The following TACC1 variants were observed in gnomAD, a reference collection of about 807,000 sequenced individuals.
TACC1 encodes transforming acidic coiled-coil-containing protein 1.
A neutral mutation model predicts 84.4 loss-of-function variants in TACC1; 48 were observed. The ratio of observed to expected loss-of-function variants is 0.57; its 90% CI spans 0.45 to 0.72. The LOEUF (loss-of-function observed/expected upper bound fraction) is 0.72. TACC1 is among the 30% of genes least tolerant of loss of function. TACC1 has a pLI of 0.00. For missense variants in TACC1, 920 were observed against 973.0 expected, an observed-to-expected ratio of 0.95 and a Z score of 0.72; for synonymous variants, 372 against 376.3, an observed-to-expected ratio of 0.99 and a Z score of 0.13.
At chr8:38,830,754 T>C (rs902561215) in intron 5 of TACC1, among the ~76,000 whole-genome samples, 21 of 152,238 alleles carry the variant, frequency 1.4e-4, no homozygotes, top group Non-Finnish European at 2.4e-4. Flanking sequence ...GGAATTTAAA[T>C]TCACTCCGAC....
upstream of TACC1, among the ~76,000 whole-genome samples, chr8:38,784,283 T>C (rs916926939): frequency 6.6e-6 from 1 of 152,096 alleles, no homozygotes; most frequent in African/African-American, 2.4e-5. Flanking sequence ...TCTCAAGAAG[T>C]TGCTGCAGGC....
intron 3 of TACC1, among the ~76,000 whole-genome samples, chr8:38,761,332 T>G (rs1419993127): frequency 5.3e-5 from 8 of 152,242 alleles, no homozygotes; most frequent in Admixed American, 1.3e-4. Flanking sequence ...GAATGTAAGA[T>G]CTACACCTGT....
In TACC1 at chr8:38,827,262, A is replaced by C; in HGVS notation, c.1547A>C (p.Gln516Pro). 1 of 1,614,228 alleles carries C rather than the reference A, an allele frequency of 6.2e-7. No homozygotes were observed. Among genetic ancestry groups the C allele is most frequent in the South Asian group, 1.1e-5 (1 of 91,088 alleles). ...AAACTGGCATCCACGTCATGTGGTC[A>C]GAAATCAGCTGGTGCCGAGGTGAAA... ...EEKLASTSCG[Q>P]KSAGAEVKGE... The change falls in exon 5 of 13, where the codon CAG (glutamine) becomes CCG (proline). Residue 516 changes from glutamine (Q) to proline (P), a missense_variant. Transcript: ENST00000317827.
chr8:38,794,817 A>G (rs1819594011), intron 2 of TACC1, among the ~76,000 whole-genome samples: 2 of 152,208 alleles, frequency 1.3e-5, no homozygotes, highest in African/African-American at 4.8e-5. Context: ...AATGGGACTA[A>G]TTAGGACCTT....
intron 2 of TACC1, among the ~76,000 whole-genome samples, chr8:38,797,514 G>A (rs560663629): frequency 2.0e-5 from 3 of 152,200 alleles, no homozygotes; most frequent in East Asian, 1.9e-4. Flanking sequence ...TTATATAGCC[G>A]CCTATTGGCT....
chr8:38,848,201 C>T lies in TACC1; in HGVS notation c.*178C>T, dbSNP rs568627445. The T allele has an allele frequency of 3.4e-6, 2 of 585,754 alleles. No homozygotes were observed. Among genetic ancestry groups the T allele is most frequent in the Non-Finnish European group, 6.0e-6 (2 of 335,496 alleles). 36.3% of individuals were successfully genotyped at this position (585,754 alleles called of 1,614,324 possible). Reference sequence around the variant, plus strand: ...GCCAATGCAACAGCCCTGGAAGAAACCCTAGAGGGTTGCATAGTCTAGAAA... The same window carrying T: ...GCCAATGCAACAGCCCTGGAAGAAATCCTAGAGGGTTGCATAGTCTAGAAA... On this transcript the variant is annotated 3_prime_UTR_variant, in exon 13 of 13. Transcript: ENST00000317827.
chr8:38,839,303 C>T (rs993017032), intron 8 of TACC1: 4 of 395,504 alleles, frequency 1.0e-5, no homozygotes, highest in African/African-American at 6.2e-5. Flanking sequence ...AAATCGAAAT[C>T]TTTTTATTTT....
At chr8:38,812,068 T>A (rs553407155) in intron 2 of TACC1, among the ~76,000 whole-genome samples, 1 of 152,310 alleles carries the variant, frequency 6.6e-6, no homozygotes, top group East Asian at 1.9e-4. Context: ...ACCCTCAGGC[T>A]TACTAGGATT....
In TACC1 at chr8:38,819,968, G is replaced by A; in HGVS notation, c.724G>A (p.Ala242Thr). The A allele has an allele frequency of 6.2e-7, 1 of 1,614,078 alleles. No homozygotes were observed. The highest frequency in any genetic ancestry group is 8.5e-7 in the Non-Finnish European group (1 of 1,180,048). Residue 242 changes from alanine to threonine, a missense_variant, in exon 3 of 13, where the codon GCA becomes ACA. Transcript: ENST00000317827. ...KPKPVPLRKK[A>T]IGGEFSDTNA... The stretch of plus-strand genomic sequence containing the variant: ...CAAGCCTGTCCCCCTGAGGAAGAAA[G>A]CAATTGGAGGAGAGTTCTCAGACAC...
Position 38,797,146 on chromosome 8 carries a change from G to T in TACC1, c.277+8327G>T, listed in dbSNP as rs1288364195. Reference sequence around the variant, plus strand: ...TGAGTATCCTCACAGCATGGCAGCTGGCTGCCCCAGAGTGAGTGATCCAAG... The same window carrying T: ...TGAGTATCCTCACAGCATGGCAGCTTGCTGCCCCAGAGTGAGTGATCCAAG... On this transcript the variant is annotated intron_variant, in intron 2 of 12. Coordinates refer to ENST00000317827, the MANE Select transcript of TACC1 (RefSeq NM_006283.3). 3.4e-4 allele frequency among the ~76,000 whole-genome samples: 52 copies of T among 152,242 alleles called. 1 individual carries two copies. Among genetic ancestry groups the T allele is most frequent in the Non-Finnish European group, 2.1e-4 (14 of 68,040 alleles).
At chr8:38,828,932 G>GT (rs2152271531) in intron 5 of TACC1, among the ~76,000 whole-genome samples, 1 of 152,290 alleles carries the variant, frequency 6.6e-6, no homozygotes, top group Non-Finnish European at 1.5e-5. Flanking sequence ...TGGTACAGAT[G>GT]TGGTAAGTTG....
intron 3 of TACC1, among the ~76,000 whole-genome samples, chr8:38,770,427 C>G (rs117000897): frequency 3.3e-5 from 5 of 152,136 alleles, no homozygotes; most frequent in East Asian, 1.9e-4. Flanking sequence ...GCGCTCTCCC[C>G]CTTCGCACAT....
intron 3 of TACC1, among the ~76,000 whole-genome samples, chr8:38,766,597 A>G (rs187346829): frequency 7.7e-4 from 117 of 152,384 alleles, no homozygotes; most frequent in Admixed American, 3.2e-3. Context: ...TCCCTTGATA[A>G]TATGATCGAA....
At position 38,852,131 on chromosome 8, in the gene TACC1, G is replaced by C. The variant is rs139459223; in HGVS notation, c.*4108G>C. 34 of 297,094 alleles carry C rather than the reference G, an allele frequency of 1.1e-4. 1 individual carries two copies. Among genetic ancestry groups the C allele is most frequent in the African/African-American group, 7.0e-4 (32 of 46,004 alleles). 18.4% of individuals were successfully genotyped at this position (297,094 alleles called of 1,614,324 possible). On this transcript the variant is annotated 3_prime_UTR_variant, in exon 13 of 13. Coordinates refer to ENST00000317827, the MANE Select transcript of TACC1 (RefSeq NM_006283.3). ...CAGAGCTTGCATCCTGGAGACTAAAGATTGCACTTTTTTGTAGTTTTTTGT... is the reference window on the plus strand; with the variant it reads ...CAGAGCTTGCATCCTGGAGACTAAACATTGCACTTTTTTGTAGTTTTTTGT...
intron 3 of TACC1, among the ~76,000 whole-genome samples, chr8:38,760,077 A>G (rs1371223488): frequency 6.6e-6 from 1 of 152,180 alleles, no homozygotes; most frequent in East Asian, 1.9e-4. Flanking sequence ...TAATACATCA[A>G]TGCTGGCATT....
At chr8:38,838,675 C>A (rs1801762650) in intron 8 of TACC1, 129 bp downstream of exon 8, 1 of 701,430 alleles carries the variant, frequency 1.4e-6, no homozygotes, top group South Asian at 1.8e-5. Context: ...TTGCTGTTTG[C>A]ACCTTGCTTT....
chr8:38,826,011 A>G (rs1169918920), intron 4 of TACC1, among the ~76,000 whole-genome samples: 1 of 152,248 alleles, frequency 6.6e-6, no homozygotes, highest in Non-Finnish European at 1.5e-5. Flanking sequence ...GACCGTATAA[A>G]CTAATTGCAA....
intron 5 of TACC1, 63 bp from the exon 6 acceptor site, chr8:38,831,062 T>C: frequency 6.5e-7 from 1 of 1,532,034 alleles, no homozygotes; most frequent in Non-Finnish European, 9.0e-7. Context: ...TCCAAGAGCC[T>C]TTCACTAGGG....
In TACC1 at chr8:38,805,102, T is replaced by C. The variant is rs533288031; in HGVS notation, c.278-14420T>C. ...CCATTAGAAAGTCATCTTTGGGCTCTGACCCATTTGTTCCTGGCTAGCATT... is the reference window on the plus strand; with the variant it reads ...CCATTAGAAAGTCATCTTTGGGCTCCGACCCATTTGTTCCTGGCTAGCATT... On this transcript the variant is annotated intron_variant, in intron 2 of 12. Coordinates refer to ENST00000317827, the MANE Select transcript of TACC1 (RefSeq NM_006283.3). Among the ~76,000 whole-genome samples, 5 of 152,360 alleles carry C rather than the reference T, an allele frequency of 3.3e-5. 1 individual carries two copies. The South Asian group carries it at 1.0e-3, about 32-fold the overall frequency.
Sources: allele counts gnomAD v4.1 joint callset (sites outside exome capture counted in the v4.1 genomes callset), GRCh38; gene constraint gnomAD v4.1.1; transcripts MANE v1.5; gene names NCBI Gene and HGNC (gene_info 2026-07-23, HGNC 2026-07-21).